The following KCNQ3 variants were observed in gnomAD, a reference collection of about 807,000 sequenced individuals.
KCNQ3 encodes the protein potassium voltage-gated channel subfamily KQT member 3.
In KCNQ3, 30 loss-of-function variants were observed where a neutral mutation model predicts 92.5. The ratio of observed to expected loss-of-function variants is 0.32; its 90% confidence interval spans 0.24 to 0.44. KCNQ3 has a LOEUF of 0.44. KCNQ3 is among the 20% of genes least tolerant of loss of function. The pLI is 1.00. For synonymous variants in KCNQ3, 450 were observed against 468.8 expected (o/e 0.96, Z 0.52); for missense variants, 913 against 1,140.3 (o/e 0.80, Z 2.87).
At chr8:132,133,545 G>C (rs112165512) in intron 13 of KCNQ3, among the ~76,000 whole-genome samples, 7,210 of 151,920 alleles carry the variant, frequency 0.047, 226 homozygotes, top group Non-Finnish European at 0.071. Context: ...TAGTAGAGAT[G>C]GGGTTTCACT....
intron 1 of KCNQ3, among the ~76,000 whole-genome samples, chr8:132,457,024 G>C (rs1821957769): frequency 2.0e-5 from 3 of 152,260 alleles, no homozygotes; most frequent in Admixed American, 2.0e-4. Context: ...CAGTGTGAAT[G>C]CTGGAAATCT....
rs1170430323 is a variant in KCNQ3, at chr8:132,316,288, T to C, written c.387-130107A>G. Among the ~76,000 whole-genome samples, 3 of 152,084 alleles carry C rather than the reference T, an allele frequency of 2.0e-5. No individual in the cohort carries two copies. In the East Asian group the frequency reaches 5.8e-4, roughly 29 times the overall value. ...AACTTGCCTCCTCTCCGCTGAAGAG[T>C]TCCTATCTTCTCCCCTTCTGAGTCA... On this transcript the variant is annotated intron_variant, in intron 1 of 14. Transcript: ENST00000388996.
intron 1 of KCNQ3, among the ~76,000 whole-genome samples, chr8:132,232,490 A>C (rs1339560972): frequency 1.3e-5 from 2 of 152,248 alleles, no homozygotes; most frequent in African/African-American, 4.8e-5. Context: ...TGTGCTAAGT[A>C]ATGTGGACCC....
chr8:132,134,422 C>A, intron 12 of KCNQ3, 34 bp from the exon 13 acceptor site: 1 of 1,421,310 alleles, frequency 7.0e-7, no homozygotes, highest in Non-Finnish European at 9.9e-7. Flanking sequence ...GATTAAATTA[C>A]ACAGAGCTTT....
chr8:132,305,436 G>A (rs1200796947), intron 1 of KCNQ3, among the ~76,000 whole-genome samples: 1 of 152,180 alleles, frequency 6.6e-6, no homozygotes, highest in Non-Finnish European at 1.5e-5. Context: ...AATCTTACAA[G>A]TACCTTCCCT....
chr8:132,456,267 G>T (rs1000597568), intron 1 of KCNQ3, among the ~76,000 whole-genome samples: 1 of 152,136 alleles, frequency 6.6e-6, no homozygotes, highest in Admixed American at 6.5e-5. Flanking sequence ...CTTCTGTAGC[G>T]ACAAGTTGTG....
intron 1 of KCNQ3, among the ~76,000 whole-genome samples, chr8:132,414,304 G>C (rs1563902311): frequency 6.6e-6 from 1 of 152,004 alleles, no homozygotes; most frequent in Non-Finnish European, 1.5e-5. Flanking sequence ...GAGGGAGCAG[G>C]GAAGCCCAGG....
intron 1 of KCNQ3, among the ~76,000 whole-genome samples, chr8:132,332,908 G>T (rs1483598622): frequency 6.6e-6 from 1 of 152,178 alleles, no homozygotes; most frequent in African/African-American, 2.4e-5. Context: ...ATCATGATGT[G>T]TTTGTGGGTT....
intron 1 of KCNQ3, among the ~76,000 whole-genome samples, chr8:132,441,533 G>A (rs1054579802): frequency 2.0e-5 from 3 of 152,280 alleles, no homozygotes; most frequent in African/African-American, 4.8e-5. Flanking sequence ...CAGCCTGGGC[G>A]ATAGAGCGAG....
At chr8:132,376,792 T>TA (rs1190111136) in intron 1 of KCNQ3, among the ~76,000 whole-genome samples, 1 of 152,158 alleles carries the variant, frequency 6.6e-6, no homozygotes, top group Non-Finnish European at 1.5e-5. Context: ...ATTAAGAAAT[T>TA]AGAGGCCTAG....
intron 1 of KCNQ3, among the ~76,000 whole-genome samples, chr8:132,475,952 G>GC (rs1416174867): frequency 6.6e-6 from 1 of 152,238 alleles, no homozygotes; most frequent in Non-Finnish European, 1.5e-5. Context: ...CAGGCCCAGG[G>GC]CCCCACTGCT....
At chr8:132,362,430 T>C (rs760368912) in intron 1 of KCNQ3, among the ~76,000 whole-genome samples, 12 of 152,186 alleles carry the variant, frequency 7.9e-5, no homozygotes, top group Non-Finnish European at 1.5e-4. Context: ...AAACATCTAC[T>C]GAGCATCAAC....
At chr8:132,377,291 T>G (rs1239264512) in intron 1 of KCNQ3, among the ~76,000 whole-genome samples, 1 of 152,216 alleles carries the variant, frequency 6.6e-6, no homozygotes, top group Non-Finnish European at 1.5e-5. Flanking sequence ...ATAGCTGGAC[T>G]GGAGCTAAAC....
intron 1 of KCNQ3, among the ~76,000 whole-genome samples, chr8:132,275,909 C>T (rs1032776814): frequency 3.3e-5 from 5 of 152,174 alleles, no homozygotes; most frequent in Non-Finnish European, 5.9e-5. Context: ...TCATTCCCAC[C>T]GGCCTGGAGC....
At chr8:132,312,722 T>C (rs1278743582) in intron 1 of KCNQ3, among the ~76,000 whole-genome samples, 2 of 152,174 alleles carry the variant, frequency 1.3e-5, no homozygotes, top group Non-Finnish European at 2.9e-5. Context: ...TTGTAAATGT[T>C]TGACAGTTCC....
At chr8:132,275,508 G>T (rs1048686777) in intron 1 of KCNQ3, among the ~76,000 whole-genome samples, 1 of 151,838 alleles carries the variant, frequency 6.6e-6, no homozygotes, top group African/African-American at 2.4e-5. Flanking sequence ...GAGTATGAGG[G>T]TCATTTGCCC....
intron 1 of KCNQ3, among the ~76,000 whole-genome samples, chr8:132,211,313 C>G (rs1370015080): frequency 2.6e-5 from 4 of 152,232 alleles, no homozygotes; most frequent in African/African-American, 4.8e-5. Context: ...TCCAGGTGAA[C>G]TGACTCAAGT....
chr8:132,441,130 A>C (rs1410343247), intron 1 of KCNQ3, among the ~76,000 whole-genome samples: 1 of 152,042 alleles, frequency 6.6e-6, no homozygotes, highest in Non-Finnish European at 1.5e-5. Flanking sequence ...GGTGGGGCCC[A>C]GTACACTCTT....
At chr8:132,304,397 C>T (rs1030093470) in intron 1 of KCNQ3, among the ~76,000 whole-genome samples, 1 of 152,176 alleles carries the variant, frequency 6.6e-6, no homozygotes, top group African/African-American at 2.4e-5. Context: ...CTTGTTCTGG[C>T]TCCACCAATA....
Sources: gnomAD v4.1 joint callset for allele counts (sites outside exome capture counted in the v4.1 genomes callset) on GRCh38, gnomAD v4.1.1 for gene constraint, MANE v1.5 for transcripts, NCBI Gene and HGNC (gene_info 2026-07-23, HGNC 2026-07-21) for gene names.